CREM: variants seen among roughly 807,000 people sequenced by gnomAD.
The protein encoded by CREM is cAMP-responsive element modulator.
Under a neutral mutation model 37.3 loss-of-function variants are expected in CREM, and 13 were observed. The observed-to-expected ratio is 0.35, with a 90% CI of 0.23 to 0.55. CREM has a LOEUF of 0.55. CREM is among the 20% of genes least tolerant of loss of function. CREM has a pLI of 0.88. For missense variants in CREM, 296 were observed against 362.3 expected (o/e 0.82, Z 1.49); for synonymous variants, 124 against 120.2 (o/e 1.03, Z -0.21).
intron 3 of CREM, chr10:35,167,778 A>C: frequency 6.2e-7 from 1 of 1,614,156 alleles, no homozygotes; most frequent in Non-Finnish European, 8.5e-7. Context: ...GAAGAGGATT[A>C]TTCTTCAGGG....
intron 6 of CREM, among the ~76,000 whole-genome samples, chr10:35,202,282 T>C (rs997088615): frequency 6.6e-6 from 1 of 152,234 alleles, no homozygotes; most frequent in Non-Finnish European, 1.5e-5. Flanking sequence ...CTGTGATCCT[T>C]GGTGTCTTAT....
intron 3 of CREM, among the ~76,000 whole-genome samples, chr10:35,166,169 ATC>A (rs1216710277): frequency 1.3e-5 from 2 of 152,230 alleles, no homozygotes; most frequent in African/African-American, 4.8e-5. Flanking sequence ...TACTTGGCTT[ATC>A]TCTTTGTAAC....
chr10:35,165,078 A>AAAAAAAG (rs1491207726), intron 3 of CREM, among the ~76,000 whole-genome samples: 5 of 148,820 alleles, frequency 3.4e-5, no homozygotes, highest in African/African-American at 1.0e-4. Context: ...AAAAAAAAAA[A>AAAAAAAG]GAAAAGGAAA....
At chr10:35,188,970 G>A (rs1299081119) in intron 6 of CREM, among the ~76,000 whole-genome samples, 3 of 152,014 alleles carry the variant, frequency 2.0e-5, no homozygotes, top group Admixed American at 6.6e-5. Flanking sequence ...CACCGCACCC[G>A]GCCACATGAA....
chr10:35,140,211 C>G (rs2091232523), intron 2 of CREM, among the ~76,000 whole-genome samples: 1 of 152,116 alleles, frequency 6.6e-6, no homozygotes, highest in Non-Finnish European at 1.5e-5. Context: ...GCTAGGTACT[C>G]TGGCAGAATA....
intron 5 of CREM, among the ~76,000 whole-genome samples, chr10:35,187,987 C>T (rs2094725230): frequency 6.6e-6 from 1 of 152,210 alleles, no homozygotes; most frequent in Admixed American, 6.5e-5. Context: ...TCAAACATTT[C>T]TGAATATAAA....
chr10:35,128,689 C>A (rs915114927), intron 1 of CREM, among the ~76,000 whole-genome samples: 2 of 152,020 alleles, frequency 1.3e-5, no homozygotes, highest in Non-Finnish European at 1.5e-5. Flanking sequence ...CCACGCCTGG[C>A]TAATTTTTTG....
At chr10:35,158,798 G>GTGTT (rs2093078412) in intron 3 of CREM, among the ~76,000 whole-genome samples, 25 of 100,810 alleles carry the variant, frequency 2.5e-4, no homozygotes, top group African/African-American at 8.5e-4. Context: ...CAAATATAGT[G>GTGTT]TTTTTTTTTT....
At chr10:35,151,760 G>A (rs939026134) in intron 3 of CREM, among the ~76,000 whole-genome samples, 12 of 152,110 alleles carry the variant, frequency 7.9e-5, no homozygotes, top group African/African-American at 2.7e-4. Flanking sequence ...TCTGTATGCC[G>A]ACTTATGGAT....
At chr10:35,202,696 T>G (rs1035969111) in intron 6 of CREM, among the ~76,000 whole-genome samples, 1 of 152,230 alleles carries the variant, frequency 6.6e-6, no homozygotes, top group African/African-American at 2.4e-5. Flanking sequence ...TTCCTACTAA[T>G]TTATACTAAC....
intron 3 of CREM, among the ~76,000 whole-genome samples, chr10:35,156,616 A>G (rs991012031): frequency 2.0e-5 from 3 of 152,226 alleles, no homozygotes; most frequent in African/African-American, 4.8e-5. Context: ...CAGACTATTA[A>G]GAATTATATT....
chr10:35,185,163 T>G (rs956781403), intron 5 of CREM, among the ~76,000 whole-genome samples: 2 of 150,952 alleles, frequency 1.3e-5, no homozygotes, highest in Admixed American at 1.3e-4. Context: ...TGTGCAATGG[T>G]GCAATCTCTG....
intron 2 of CREM, 94 bp downstream of exon 2, chr10:35,137,973 T>C: frequency 3.2e-5 from 25 of 777,548 alleles, no homozygotes; most frequent in Non-Finnish European, 4.9e-5. Flanking sequence ...CACATACATG[T>C]ATGTATGTAT....
At chr10:35,168,357 G>A (rs1288379632) in intron 3 of CREM, among the ~76,000 whole-genome samples, 2 of 152,122 alleles carry the variant, frequency 1.3e-5, no homozygotes, top group Non-Finnish European at 2.9e-5. Context: ...CCAGTGATGA[G>A]CATTTTTTCA....
At chr10:35,186,497 A>T (rs2094557059) in intron 5 of CREM, among the ~76,000 whole-genome samples, 1 of 151,380 alleles carries the variant, frequency 6.6e-6, no homozygotes, top group Non-Finnish European at 1.5e-5. Context: ...CTTTTTAAGG[A>T]CCTTTGCAAC....
chr10:35,167,980 A>C (rs11010111), intron 3 of CREM, among the ~76,000 whole-genome samples: 1 of 152,108 alleles, frequency 6.6e-6, no homozygotes, highest in Non-Finnish European at 1.5e-5. Context: ...ACATGAACTC[A>C]TCCTTTTTTT....
chr10:35,201,412 T>A, intron 6 of CREM: 1 of 1,550,576 alleles, frequency 6.4e-7, no homozygotes, highest in Non-Finnish European at 8.7e-7. Context: ...TAGGGTTTAT[T>A]GTGAGTATTA....
chr10:35,175,725 T>C (rs370349059), intron 3 of CREM: 4 of 1,614,010 alleles, frequency 2.5e-6, no homozygotes, highest in Non-Finnish European at 3.4e-6. Context: ...CTAGATAGTT[T>C]GTCATTTCTC....
chr10:35,155,621 CTTTTCTTTTCT>C (rs1033649371), intron 3 of CREM, among the ~76,000 whole-genome samples: 15 of 38,296 alleles, frequency 3.9e-4, no homozygotes, highest in East Asian at 1.0e-3. Context: ...CTTTTCTTTT[CTTTTCTTTTCT>C]TTTTTTTTTT....
Sources: allele counts gnomAD v4.1 joint callset (sites outside exome capture counted in the v4.1 genomes callset), GRCh38; gene constraint gnomAD v4.1.1; transcripts MANE v1.5; gene names NCBI Gene and HGNC (gene_info 2026-07-23, HGNC 2026-07-21).